Variants in COL4A3 observed in about 807,000 individuals in gnomAD.
COL4A3 encodes collagen type IV alpha 3 chain.
Under a neutral mutation model 217.4 loss-of-function variants are expected in COL4A3, and 135 were observed. The observed-to-expected ratio is 0.62, with a 90% CI of 0.54 to 0.72. The LOEUF is 0.72. Ranked by LOEUF, COL4A3 falls within the 30% of genes least tolerant of loss-of-function variation. The pLI is 0.00. For synonymous variants in COL4A3, 690 were observed against 736.3 expected, an observed-to-expected ratio of 0.94 and a Z score of 1.02; for missense variants, 1,868 against 2,119.9, an observed-to-expected ratio of 0.88 and a Z score of 2.33.
intron 18 of COL4A3, among the ~76,000 whole-genome samples, chr2:227,258,310 G>T (rs2070323205): frequency 6.6e-6 from 1 of 152,320 alleles, no homozygotes; most frequent in Admixed American, 6.5e-5. Context: ...AGGGTCATGA[G>T]GGGAAGGGGT....
At chr2:227,231,272 T>C (rs900287847) in intron 1 of COL4A3, among the ~76,000 whole-genome samples, 5 of 152,204 alleles carry the variant, frequency 3.3e-5, no homozygotes, top group Non-Finnish European at 2.9e-5. Flanking sequence ...GAATTCTCCA[T>C]ACCTCTGTGC....
At chr2:227,182,461 C>T (rs889650670) in intron 1 of COL4A3, among the ~76,000 whole-genome samples, 1 of 152,210 alleles carries the variant, frequency 6.6e-6, no homozygotes, top group African/African-American at 2.4e-5. Flanking sequence ...CATCCCATCC[C>T]CTCCTGATTC....
At chr2:227,309,405 G>A (rs753947724) in intron 50 of COL4A3, 87 bp downstream of exon 50, 11 of 978,318 alleles carry the variant, frequency 1.1e-5, no homozygotes, top group Non-Finnish European at 1.4e-5. Context: ...TCCCAGGGTC[G>A]ATGCTGCCTG....
At position 227,249,230 on chromosome 2, in the gene COL4A3, A is replaced by ATATTTTTTTTT; in HGVS notation, c.546+711_546+712insATTTTTTTTTT. Among the ~76,000 whole-genome samples, 2 of 14,690 alleles carry ATATTTTTTTTT rather than the reference A, an allele frequency of 1.4e-4. 1 individual carries two copies. The highest frequency in any genetic ancestry group is 5.3e-3 in the East Asian group (2 of 376). 9.6% of individuals were successfully genotyped at this position (14,690 alleles called of 152,430 possible). A position where few individuals can be genotyped will look rare whatever the true frequency, so the allele number is the denominator to read the frequency against. On this transcript the variant is annotated intron_variant, in intron 9 of 51. Coordinates refer to ENST00000396578, the MANE Select transcript of COL4A3 (RefSeq NM_000091.5). The stretch of plus-strand genomic sequence containing the variant: ...TTAGCTAGTATATATATATATATAT[A>ATATTTTTTTTT]TTTTTTTTTTTTTTTTTTTTTTTGA...
chr2:227,191,310 G>A lies in COL4A3; in HGVS notation c.87+26497G>A, dbSNP rs917780942. On this transcript the variant is annotated intron_variant, in intron 1 of 51. Transcript: ENST00000396578. The surrounding 1 kb of genome is among the most constrained non-coding windows in gnomAD (Gnocchi z 6.8). Reference sequence around the variant, plus strand: ...TTTTTTTTTTGTAAAGGACGCAAAAGTTTAAGACTGTTGGCATATACAAAA... The same window carrying A: ...TTTTTTTTTTGTAAAGGACGCAAAAATTTAAGACTGTTGGCATATACAAAA... Among the ~76,000 whole-genome samples, 1 of 151,956 alleles carries A rather than the reference G, an allele frequency of 6.6e-6. No homozygotes were observed. The highest frequency in any genetic ancestry group is 6.6e-5 in the Admixed American group (1 of 15,258).
rs866036167 is a variant in COL4A3, at chr2:227,312,941, G to A, written c.*1071G>A. 4.9e-5 allele frequency: 7 copies of A among 142,966 alleles called. No homozygotes were observed. Among genetic ancestry groups the A allele is most frequent in the Non-Finnish European group, 9.2e-5 (6 of 65,340 alleles). 8.9% of individuals were successfully genotyped at this position (142,966 alleles called of 1,614,324 possible). ...TCTTCCTTTGTAAAAAAAAAAAAAA[G>A]CAACACTTTTTATGTTATATGTTGT... is the stretch of plus-strand genomic sequence containing the variant. On this transcript the variant is annotated 3_prime_UTR_variant, in exon 52 of 52. Transcript: ENST00000396578.
rs184847026 is a variant in COL4A3 at position 227,307,855 on chromosome 2, A to C, written c.4398A>C (p.Pro1466=). 70 of 1,614,018 alleles carry C rather than the reference A, an allele frequency of 4.3e-5. No homozygotes were observed. The highest frequency in any genetic ancestry group is 3.8e-4 in the Admixed American group (23 of 60,010). ...CTTCATGTCCAGAGGGGACAGTGCC[A>C]CTCTACAGTGGGTTTTCTTTTCTTT... ...AIPSCPEGTV[P]LYSGFSFLFV... The change falls in exon 48 of 52, where the codon CCA becomes CCC. Residue 1466 remains proline (P), a synonymous_variant. Coordinates refer to ENST00000396578, the MANE Select transcript of COL4A3 (RefSeq NM_000091.5).
chr2:227,182,831 T>C (rs942555024), intron 1 of COL4A3, among the ~76,000 whole-genome samples: 7 of 152,138 alleles, frequency 4.6e-5, no homozygotes, highest in Admixed American at 4.6e-4. Context: ...CACACATATA[T>C]CCAATTCAAG....
In COL4A3 at chr2:227,253,730, T is replaced by C. The variant is rs1308519395; in HGVS notation, c.765+92T>C. ...GCACCTCTTTTACAAGCTCTTGTTA[T>C]CTAAGTCCAGCTCAGCCCAGCTCCC... On this transcript the variant is annotated intron_variant, in intron 13 of 51. Coordinates refer to ENST00000396578, the MANE Select transcript of COL4A3 (RefSeq NM_000091.5). This position sits in a 1 kb window ranked among gnomAD's most constrained non-coding sequence, Gnocchi z 4.4. 1.8e-6 allele frequency: 2 copies of C among 1,138,920 alleles called. No individual in the cohort carries two copies. Among genetic ancestry groups the C allele is most frequent in the East Asian group, 2.3e-5 (1 of 42,710 alleles). 70.6% of individuals were successfully genotyped at this position (1,138,920 alleles called of 1,614,324 possible).
chr2:227,196,180 T>C (rs74500601), intron 1 of COL4A3, among the ~76,000 whole-genome samples: 2,076 of 152,238 alleles, frequency 0.014, 59 homozygotes, highest in African/African-American at 0.048. Flanking sequence ...GTACAGTGTA[T>C]ATAAAGTCTA....
At chr2:227,209,670 T>C (rs2067240947) in intron 1 of COL4A3, among the ~76,000 whole-genome samples, 1 of 152,108 alleles carries the variant, frequency 6.6e-6, no homozygotes, top group Non-Finnish European at 1.5e-5. Flanking sequence ...TGAAACCCCA[T>C]CTCTACTAAA....
chr2:227,167,474 G>A (rs1170411091), intron 1 of COL4A3, among the ~76,000 whole-genome samples: 1 of 152,228 alleles, frequency 6.6e-6, no homozygotes, highest in Non-Finnish European at 1.5e-5. Flanking sequence ...TGTTGTCTCA[G>A]GCAATAGACC....
chr2:227,311,761 T>C (rs747578984), intron 51 of COL4A3, 25 bp from the exon 52 acceptor site: 2 of 1,606,196 alleles, frequency 1.2e-6, no homozygotes, highest in East Asian at 2.2e-5. Context: ...AATAAATGAA[T>C]TTTTTTGGTT....
intron 1 of COL4A3, among the ~76,000 whole-genome samples, chr2:227,172,954 A>G (rs1381033720): frequency 6.6e-6 from 1 of 152,140 alleles, no homozygotes; most frequent in African/African-American, 2.4e-5. Context: ...ATCTAAACCT[A>G]ATTACCTTCA....
chr2:227,190,388 G>C (rs890026880), intron 1 of COL4A3, among the ~76,000 whole-genome samples: 9 of 152,148 alleles, frequency 5.9e-5, no homozygotes, highest in African/African-American at 2.2e-4. Context: ...GGACATGCAT[G>C]ATGCTTCTCA....
At chr2:227,177,245 G>T (rs1268753919) in intron 1 of COL4A3, among the ~76,000 whole-genome samples, 1 of 150,862 alleles carries the variant, frequency 6.6e-6, no homozygotes, top group Admixed American at 6.6e-5. Flanking sequence ...CGCCTCCCAG[G>T]TTCACACCAT....
intron 1 of COL4A3, among the ~76,000 whole-genome samples, chr2:227,210,885 T>G (rs71431029): frequency 0.076 from 11,614 of 152,150 alleles, 668 homozygotes; most frequent in Admixed American, 0.13. Context: ...TGGGGGGAAC[T>G]CTATATAAAT....
chr2:227,207,039 G>T (rs1025959170), intron 1 of COL4A3, among the ~76,000 whole-genome samples: 1 of 152,110 alleles, frequency 6.6e-6, no homozygotes, highest in Non-Finnish European at 1.5e-5. Context: ...GAAGAGGAGG[G>T]CTCTGATATG....
chr2:227,263,115 G>T (rs1475279055), intron 20 of COL4A3, among the ~76,000 whole-genome samples: 2 of 152,086 alleles, frequency 1.3e-5, no homozygotes, highest in Admixed American at 6.6e-5. Flanking sequence ...ACAAAACTCT[G>T]AAATGGATGT....
Sources: gnomAD v4.1 joint callset for allele counts (sites outside exome capture counted in the v4.1 genomes callset) on GRCh38, gnomAD v4.1.1 for gene constraint, Gnocchi (gnomAD v3.1) non-coding constraint, MANE v1.5 for transcripts, NCBI Gene and HGNC (gene_info 2026-07-23, HGNC 2026-07-21) for gene names.